The following ICA1 variants were observed in gnomAD, a reference collection of about 807,000 sequenced individuals.
ICA1 encodes the protein islet cell autoantigen 1.
Under a neutral mutation model 71.0 loss-of-function variants are expected in ICA1, and 40 were observed. That is an observed-to-expected ratio of 0.56 (90% confidence interval 0.44 to 0.73). The LOEUF (loss-of-function observed/expected upper bound fraction) is 0.73. ICA1 is among the 30% of genes least tolerant of loss of function. ICA1 has a pLI of 0.00. For missense variants in ICA1, 578 were observed against 576.5 expected (o/e 1.00, Z -0.03); for synonymous variants, 207 against 209.5 (o/e 0.99, Z 0.10).
chr7:8,169,599 C>G (rs1339071851), intron 6 of ICA1, among the ~76,000 whole-genome samples: 1 of 152,038 alleles, frequency 6.6e-6, no homozygotes. Flanking sequence ...TCTCTAATGA[C>G]TAATGATATT....
intron 7 of ICA1, 51 bp from the exon 8 acceptor site, chr7:8,157,265 T>A (rs987818268): frequency 1.3e-6 from 2 of 1,498,692 alleles, no homozygotes; most frequent in Non-Finnish European, 1.8e-6. Context: ...CCAGTTCTAG[T>A]CCTGGTCCCC....
chr7:8,181,601 A>C (rs1782209136), intron 6 of ICA1, among the ~76,000 whole-genome samples: 1 of 152,182 alleles, frequency 6.6e-6, no homozygotes, highest in South Asian at 2.1e-4. Context: ...ATTCATAAAT[A>C]TGGTACATTC....
intron 1 of ICA1, among the ~76,000 whole-genome samples, chr7:8,261,772 T>A (rs1812529084): frequency 6.6e-6 from 1 of 151,786 alleles, no homozygotes; most frequent in African/African-American, 2.4e-5. Flanking sequence ...TGGGCTGGCA[T>A]GGGTGCCGGT....
chr7:8,253,813 A>C (rs1305013026), intron 1 of ICA1, among the ~76,000 whole-genome samples: 1 of 152,190 alleles, frequency 6.6e-6, no homozygotes, highest in Non-Finnish European at 1.5e-5. Context: ...GTGTATACAG[A>C]GGGATGACTT....
chr7:8,146,431 T>C (rs1277973951), intron 8 of ICA1, among the ~76,000 whole-genome samples: 1 of 152,182 alleles, frequency 6.6e-6, no homozygotes, highest in Non-Finnish European at 1.5e-5. Flanking sequence ...GTCTTGAGAC[T>C]GGGATAAAGA....
intron 1 of ICA1, among the ~76,000 whole-genome samples, chr7:8,251,790 G>A (rs2128529166): frequency 6.6e-6 from 1 of 152,146 alleles, no homozygotes; most frequent in East Asian, 1.9e-4. Flanking sequence ...GTCATCTTCA[G>A]CATTAATATT....
intron 8 of ICA1, among the ~76,000 whole-genome samples, chr7:8,151,413 C>G (rs1013000824): frequency 6.6e-6 from 1 of 152,210 alleles, no homozygotes; most frequent in African/African-American, 2.4e-5. Context: ...TCCACTCCCT[C>G]CTTTCTTGGT....
chr7:8,248,859 A>G (rs1807086506), intron 1 of ICA1, among the ~76,000 whole-genome samples: 1 of 152,236 alleles, frequency 6.6e-6, no homozygotes, highest in African/African-American at 2.4e-5. Context: ...TCATAGCACC[A>G]CATGCCATAC....
chr7:8,164,451 G>T (rs75329888), intron 6 of ICA1, among the ~76,000 whole-genome samples: 2,975 of 152,192 alleles, frequency 0.02, 75 homozygotes, highest in African/African-American at 0.066. Context: ...CCTGGTGAGG[G>T]GTTGAGTGCT....
Position 8,221,508 on chromosome 7 carries a change from TG to T in ICA1, c.257-111del, listed in dbSNP as rs1269818811. 6.3e-5 allele frequency: 80 copies of T among 1,263,064 alleles called. No homozygotes were observed. In the East Asian group the frequency reaches 1.9e-3, roughly 30 times the overall value. The allele number at this position is 1,263,064 out of a possible 1,614,324, so 78.2% of individuals were successfully genotyped here. ...CTCTCTTCCAGAGGCGAAGACGAGA[TG>T]AAATTAAATCTAAGCGGCAGGCTAC... On this transcript the variant is annotated intron_variant, in intron 4 of 13. Transcript: ENST00000402384.
intron 12 of ICA1, among the ~76,000 whole-genome samples, chr7:8,131,715 C>A (rs1262928694): frequency 1.3e-5 from 2 of 152,162 alleles, no homozygotes; most frequent in African/African-American, 4.8e-5. Flanking sequence ...AATCTAACTA[C>A]AAGTAGAAAA....
intron 1 of ICA1, among the ~76,000 whole-genome samples, chr7:8,251,459 C>G (rs191310482): frequency 1.3e-4 from 19 of 147,826 alleles, no homozygotes; most frequent in Admixed American, 4.8e-4. Context: ...AAGTGGCCAT[C>G]TAGGATGCCC....
At chr7:8,122,037 A>C (rs187851485) in intron 13 of ICA1, among the ~76,000 whole-genome samples, 2 of 152,330 alleles carry the variant, frequency 1.3e-5, no homozygotes, top group African/African-American at 4.8e-5. Context: ...AAGGCTCCTC[A>C]GTGAGATGAC....
chr7:8,203,380 C>A (rs1162488435), intron 6 of ICA1, among the ~76,000 whole-genome samples: 1 of 152,052 alleles, frequency 6.6e-6, no homozygotes, highest in Non-Finnish European at 1.5e-5. Flanking sequence ...AAGTCAGATA[C>A]CTCTTATTAA....
chr7:8,235,289 G>A (rs779454484), intron 2 of ICA1, among the ~76,000 whole-genome samples: 13 of 152,142 alleles, frequency 8.5e-5, no homozygotes, highest in African/African-American at 3.1e-4. Flanking sequence ...TGGGTCATGG[G>A]TTCAAAAGAA....
At chr7:8,139,183 C>T (rs1794381535) in intron 10 of ICA1, 136 bp from the exon 11 acceptor site, 2 of 652,024 alleles carry the variant, frequency 3.1e-6, no homozygotes, top group Non-Finnish European at 5.4e-6. Context: ...CAAGGGTCCT[C>T]AGATTACACT....
intron 7 of ICA1, chr7:8,158,216 G>A: frequency 3.5e-6 from 1 of 287,556 alleles, no homozygotes; most frequent in Non-Finnish European, 6.5e-6. Flanking sequence ...AAAAAGGCGT[G>A]ACATTCTGTC....
chr7:8,181,175 C>T lies in ICA1; in HGVS notation c.580-22523G>A, dbSNP rs143156917. Among the ~76,000 whole-genome samples the T allele has an allele frequency of 5.5e-4, 83 of 152,082 alleles. 1 individual carries two copies. Among genetic ancestry groups the T allele is most frequent in the South Asian group, 3.9e-3 (19 of 4,826 alleles). On this transcript the variant is annotated intron_variant, in intron 6 of 13. Transcript: ENST00000402384. ...TTTGTGTATGATATGAAATAGGGGT[C>T]GGGTTCCTGGTATTCTGTATAGATA...
Position 8,215,271 on chromosome 7 carries a change from C to T in ICA1, c.579+3034G>A, listed in dbSNP as rs1339806904. The stretch of plus-strand genomic sequence containing the variant: ...ACCTTCTGTGCTCTGGTTCTAAGCA[C>T]GCTGCTCCTTTCCCCTAAAAGGCCT... On this transcript the variant is annotated intron_variant, in intron 6 of 13. Coordinates refer to ENST00000402384, the MANE Select transcript of ICA1 (RefSeq NM_001136020.3). 2.0e-5 allele frequency among the ~76,000 whole-genome samples: 3 copies of T among 152,304 alleles called. No homozygotes were observed. In the East Asian group the frequency reaches 5.8e-4, roughly 29 times the overall value.
Sources: allele counts gnomAD v4.1 joint callset (sites outside exome capture counted in the v4.1 genomes callset), GRCh38; gene constraint gnomAD v4.1.1; transcripts MANE v1.5; gene names NCBI Gene and HGNC (gene_info 2026-07-23, HGNC 2026-07-21).